The following CCDC181 variants were observed in gnomAD, a reference collection of about 807,000 sequenced individuals.
The protein encoded by CCDC181 is coiled-coil domain-containing protein 181.
Under a neutral mutation model 58.7 loss-of-function variants are expected in CCDC181, and 35 were observed. The observed-to-expected ratio is 0.60, with a 90% CI of 0.46 to 0.79. The LOEUF is 0.79. CCDC181 is among the 30% of genes least tolerant of loss of function. The pLI, the probability that CCDC181 is intolerant of heterozygous loss-of-function variation, is 0.00. For missense variants in CCDC181, 517 were observed against 583.9 expected (o/e 0.89, Z 1.18); for synonymous variants, 183 against 197.5 (o/e 0.93, Z 0.62).
At chr1:169,432,741 G>A (rs1252898299) in intron 2 of CCDC181, among the ~76,000 whole-genome samples, 2 of 151,980 alleles carry the variant, frequency 1.3e-5, no homozygotes, top group African/African-American at 4.8e-5. Flanking sequence ...GAAGGAAAGA[G>A]AAAAACTGAA....
At chr1:169,398,118 C>T (rs16862133) in intron 4 of CCDC181, among the ~76,000 whole-genome samples, 11,240 of 152,092 alleles carry the variant, frequency 0.074, 1,540 homozygotes, top group East Asian at 0.67. Context: ...TTGCCAAACA[C>T]CTGGAAGTCT....
chr1:169,454,726 C>T (rs966109480), intron 2 of CCDC181: 1 of 150,908 alleles, frequency 6.6e-6, no homozygotes, highest in Admixed American at 6.6e-5. Flanking sequence ...AATAATAAAA[C>T]TTACCTATCA....
intron 4 of CCDC181, among the ~76,000 whole-genome samples, chr1:169,417,699 C>T (rs1656275466): frequency 6.6e-6 from 1 of 152,048 alleles, no homozygotes; most frequent in Non-Finnish European, 1.5e-5. Context: ...CAGCCAGCAC[C>T]TAACCAGGAG....
At chr1:169,448,586 C>T (rs1657443776) in intron 2 of CCDC181, among the ~76,000 whole-genome samples, 1 of 151,968 alleles carries the variant, frequency 6.6e-6, no homozygotes, top group Admixed American at 6.6e-5. Context: ...TGGTGGCTTT[C>T]AATATATTTT....
At chr1:169,399,913 G>T (rs765684051) in intron 4 of CCDC181, among the ~76,000 whole-genome samples, 1 of 152,176 alleles carries the variant, frequency 6.6e-6, no homozygotes, top group South Asian at 2.1e-4. Context: ...TCATGAAACA[G>T]ATAGGAGTCT....
chr1:169,454,617 A>C (rs566728400), intron 2 of CCDC181: 1 of 152,174 alleles, frequency 6.6e-6, no homozygotes, highest in South Asian at 2.1e-4. Flanking sequence ...AGAAATACTA[A>C]TCAAAATTCA....
intron 2 of CCDC181, among the ~76,000 whole-genome samples, chr1:169,437,295 C>T (rs7516248): frequency 0.54 from 81,380 of 152,002 alleles, 22,637 homozygotes; most frequent in Non-Finnish European, 0.6. Context: ...GGCAGTGTAT[C>T]CTTAAATATT....
intron 2 of CCDC181, among the ~76,000 whole-genome samples, chr1:169,453,692 T>G (rs1657609814): frequency 6.6e-6 from 1 of 150,730 alleles, no homozygotes; most frequent in African/African-American, 2.4e-5. Flanking sequence ...TCCACACTTC[T>G]CACTTTTCAT....
intron 4 of CCDC181, among the ~76,000 whole-genome samples, chr1:169,415,433 A>G (rs1656170391): frequency 6.6e-6 from 1 of 152,142 alleles, no homozygotes; most frequent in Admixed American, 6.6e-5. Context: ...AAACTCCCAA[A>G]CAACATCCAT....
At chr1:169,457,402 T>C (rs537429727) in intron 2 of CCDC181, among the ~76,000 whole-genome samples, 1 of 152,256 alleles carries the variant, frequency 6.6e-6, no homozygotes, top group South Asian at 2.1e-4. Context: ...TAACCTCTTC[T>C]TATATTTTTT....
Position 169,424,845 on chromosome 1 carries a change from T to G in CCDC181, c.83A>C (p.Asn28Thr), listed in dbSNP as rs200927034. 52 of 1,604,008 alleles carry G rather than the reference T, an allele frequency of 3.2e-5. No homozygotes were observed. In the East Asian group the frequency reaches 1.1e-3, roughly 35 times the overall value. Residue 28 changes from asparagine to threonine, a missense_variant, in exon 2 of 6, where the codon AAT (asparagine) becomes ACT (threonine). Physicochemically the swap from Asn to Thr is moderately conservative, Grantham distance 65. Coordinates refer to ENST00000367806, the MANE Select transcript of CCDC181 (RefSeq NM_001300969.2). ...GCTGGCATCACTTTTTTCATTTTCA[T>G]TAATTAACCACTCCAGGTCCTTTTC... ...DFEKDLEWLI[N>T]ENEKSDASII...
At chr1:169,398,359 C>T (rs1423724013) in intron 4 of CCDC181, among the ~76,000 whole-genome samples, 1 of 152,130 alleles carries the variant, frequency 6.6e-6, no homozygotes, top group Non-Finnish European at 1.5e-5. Context: ...ACAATGTGTA[C>T]ATGTATCAAA....
chr1:169,398,310 TAAAG>T (rs1227666280), intron 4 of CCDC181, among the ~76,000 whole-genome samples: 2 of 152,200 alleles, frequency 1.3e-5, no homozygotes, highest in Non-Finnish European at 2.9e-5. Context: ...GTTCTCATCA[TAAAG>T]AAATGACAAG....
chr1:169,444,303 A>G (rs1657313175), intron 2 of CCDC181, among the ~76,000 whole-genome samples: 1 of 152,158 alleles, frequency 6.6e-6, no homozygotes, highest in Non-Finnish European at 1.5e-5. Flanking sequence ...ACAGTACTAC[A>G]ATACCTAGCT....
intron 4 of CCDC181, among the ~76,000 whole-genome samples, chr1:169,402,950 G>T (rs1016298117): frequency 6.6e-6 from 1 of 151,174 alleles, no homozygotes; most frequent in Non-Finnish European, 1.5e-5. Context: ...TAAAGGGAAG[G>T]AGGAAGATCT....
chr1:169,405,792 A>G (rs1655616186), intron 4 of CCDC181, among the ~76,000 whole-genome samples: 1 of 152,226 alleles, frequency 6.6e-6, no homozygotes. Context: ...ACAAAAGCCA[A>G]AATTGACAAA....
intron 4 of CCDC181, among the ~76,000 whole-genome samples, chr1:169,403,550 C>A (rs989243006): frequency 2.0e-5 from 3 of 152,210 alleles, no homozygotes; most frequent in Non-Finnish European, 2.9e-5. Flanking sequence ...CAACCTGCTC[C>A]TGAATGACTA....
At chr1:169,431,975 G>A (rs1200608245), upstream of CCDC181, among the ~76,000 whole-genome samples, 3 of 152,014 alleles carry the variant, frequency 2.0e-5, no homozygotes, top group Admixed American at 6.6e-5. Flanking sequence ...ACATTAAAAA[G>A]CAACTACATT....
intron 2 of CCDC181, among the ~76,000 whole-genome samples, chr1:169,442,391 C>T (rs541501939): frequency 1.3e-5 from 2 of 151,750 alleles, no homozygotes; most frequent in East Asian, 3.9e-4. Flanking sequence ...TAATATGAAG[C>T]CATTAAAAAG....
Sources: allele counts gnomAD v4.1 joint callset (sites outside exome capture counted in the v4.1 genomes callset), GRCh38; gene constraint gnomAD v4.1.1; transcripts MANE v1.5; gene names NCBI Gene and HGNC (gene_info 2026-07-23, HGNC 2026-07-21).